The following FMR1NB variants were observed in gnomAD, a reference collection of about 807,000 sequenced individuals.
FMR1NB encodes FMR1 neighbor.
Under a neutral mutation model 16.8 loss-of-function variants are expected in FMR1NB, and 10 were observed. The observed-to-expected ratio is 0.60, with a 90% CI of 0.37 to 1.01. The LOEUF (loss-of-function observed/expected upper bound fraction) is 1.01, where lower values mean the gene tolerates loss of function less well. Ranked by LOEUF, FMR1NB falls within the 50% of genes least tolerant of loss-of-function variation. FMR1NB has a pLI of 0.01. For synonymous variants in FMR1NB, 83 were observed against 79.1 expected (o/e 1.05, Z -0.26); for missense variants, 205 against 204.8 (o/e 1.00, Z 0.00).
chrX:147,997,977 G>A (rs1387478636), intron 1 of FMR1NB, among the ~76,000 whole-genome samples: 1 of 112,661 alleles, frequency 8.9e-6, no homozygotes, highest in African/African-American at 3.2e-5. Flanking sequence ...AGGATGTGGA[G>A]AAACAGGAAC....
At chrX:148,008,788 A>T in intron 4 of FMR1NB, 77 bp downstream of exon 4, 2 of 883,999 alleles carry the variant, frequency 2.3e-6, no homozygotes, top group Admixed American at 5.0e-5. Context: ...TTATTAATAC[A>T]CTTCAGAAAT....
At chrX:148,019,168 T>C (rs1402877428) in intron 4 of FMR1NB, among the ~76,000 whole-genome samples, 2 of 112,264 alleles carry the variant, frequency 1.8e-5, no homozygotes, top group Non-Finnish European at 3.8e-5. Flanking sequence ...TTATTCTACT[T>C]GATCAATCTA....
At chrX:148,001,087 A>G (rs902458283) in intron 1 of FMR1NB, among the ~76,000 whole-genome samples, 2 of 112,171 alleles carry the variant, frequency 1.8e-5, no homozygotes, top group African/African-American at 6.5e-5. Context: ...ATGTGGTGAA[A>G]TGGATTATGT....
chrX:147,997,381 G>T (rs370914856), intron 1 of FMR1NB, among the ~76,000 whole-genome samples: 1 of 111,873 alleles, frequency 8.9e-6, no homozygotes, highest in Non-Finnish European at 1.9e-5. Flanking sequence ...TTAATAAAGG[G>T]TATTGGAAAA....
intron 1 of FMR1NB, among the ~76,000 whole-genome samples, chrX:147,983,053 G>T (rs1557186798): frequency 1.8e-5 from 2 of 111,996 alleles, no homozygotes; most frequent in African/African-American, 3.2e-5. Flanking sequence ...CCATACCCAT[G>T]AACCAGTTAC....
rs1931191784 is a variant in FMR1NB at position 147,981,778 on chromosome X, C to T, written c.277+99C>T. 6.8e-6 allele frequency: 6 copies of T among 884,021 alleles called. No individual in the cohort carries two copies. The Middle Eastern group carries it at 1.7e-3, about 257-fold the overall frequency. 72.9% of individuals were successfully genotyped at this position (884,021 alleles called of 1,213,427 possible). On this transcript the variant is annotated intron_variant, in intron 1 of 5. Coordinates refer to ENST00000370467, the MANE Select transcript of FMR1NB (RefSeq NM_152578.3). ...GCAACACACCGGCACCAACCATAGG[C>T]CTTCCTGCCCCTTCCTGTCCTCTCT...
intron 4 of FMR1NB, among the ~76,000 whole-genome samples, chrX:148,016,442 T>C (rs1251712188): frequency 9.0e-6 from 1 of 111,445 alleles, no homozygotes; most frequent in Non-Finnish European, 1.9e-5. Context: ...GTGTAGTCCT[T>C]TTATATTCAG....
At chrX:148,005,663 A>G (rs782183883) in intron 2 of FMR1NB, among the ~76,000 whole-genome samples, 81 of 111,867 alleles carry the variant, frequency 7.2e-4, no homozygotes, top group Non-Finnish European at 1.4e-3. Flanking sequence ...GTAAAACTCA[A>G]TTTGGGAGTT....
intron 4 of FMR1NB, among the ~76,000 whole-genome samples, chrX:148,017,695 C>T (rs782694044): frequency 7.9e-5 from 6 of 75,550 alleles, no homozygotes; most frequent in East Asian, 1.1e-3. Context: ...CCCCCTCCCC[C>T]GACCCCACCA....
intron 1 of FMR1NB, among the ~76,000 whole-genome samples, chrX:147,981,972 A>G (rs1466268902): frequency 9.0e-6 from 1 of 111,298 alleles, no homozygotes; most frequent in Non-Finnish European, 1.9e-5. Flanking sequence ...CACAAAATAG[A>G]CTAACCTCCC....
chrX:147,981,876 G>A (rs1428295570), intron 1 of FMR1NB, among the ~76,000 whole-genome samples, 197 bp downstream of exon 1: 1 of 111,625 alleles, frequency 9.0e-6, no homozygotes, highest in African/African-American at 3.3e-5. Context: ...CTGGCCGCAG[G>A]AAGTCTTTCC....
intron 1 of FMR1NB, among the ~76,000 whole-genome samples, chrX:147,982,234 G>T (rs2044451765): frequency 9.1e-6 from 1 of 109,655 alleles, no homozygotes. Context: ...AGGTTGCAGT[G>T]AGCTGGCATG....
intron 4 of FMR1NB, among the ~76,000 whole-genome samples, chrX:148,013,175 G>A (rs1434844027): frequency 4.5e-5 from 5 of 111,495 alleles, no homozygotes; most frequent in South Asian, 3.8e-4. Flanking sequence ...CTCATTATGC[G>A]GATCATATGT....
chrX:148,000,659 C>T (rs1260050334), intron 1 of FMR1NB, among the ~76,000 whole-genome samples: 6 of 111,418 alleles, frequency 5.4e-5, no homozygotes. Flanking sequence ...CAGTTCTATC[C>T]CTGATTCAAA....
At chrX:147,988,101 G>A (rs781976115) in intron 1 of FMR1NB, among the ~76,000 whole-genome samples, 1 of 111,915 alleles carries the variant, frequency 8.9e-6, no homozygotes, top group Non-Finnish European at 1.9e-5. Context: ...TTTCTTCATA[G>A]TGTCATTGGT....
At position 148,006,697 on chromosome X, in the gene FMR1NB, A is replaced by G. The variant is rs781830251; in HGVS notation, c.398-5A>G. ...TTCTCTTTCTTAAATTTCTGTTTTT[A>G]AAAGCTTGCAATCTGAGGGAAAATC... On this transcript the variant is annotated splice_region_variant and splice_polypyrimidine_tract_variant and intron_variant, in intron 2 of 5. Transcript: ENST00000370467. 9 of 1,191,329 alleles carry G rather than the reference A, an allele frequency of 7.6e-6. No individual in the cohort carries two copies. The African/African-American group carries it at 1.6e-4, about 21-fold the overall frequency.
chrX:148,017,167 T>C (rs1468819695), intron 4 of FMR1NB, among the ~76,000 whole-genome samples: 1 of 111,172 alleles, frequency 9.0e-6, no homozygotes, highest in African/African-American at 3.3e-5. Context: ...GTATTTTTCC[T>C]TCAGCACCTT....
intron 1 of FMR1NB, among the ~76,000 whole-genome samples, chrX:147,999,286 C>A (rs1557188460): frequency 8.9e-6 from 1 of 111,827 alleles, no homozygotes; most frequent in African/African-American, 3.3e-5. Context: ...ACACTTACTT[C>A]AGATGGTGTG....
At chrX:148,008,292 T>C (rs782214780) in intron 3 of FMR1NB, 2 of 198,697 alleles carry the variant, frequency 1.0e-5, no homozygotes, top group South Asian at 1.1e-4. Flanking sequence ...ATACAACATA[T>C]GGCCAAGAGA....
Sources: allele counts gnomAD v4.1 joint callset (sites outside exome capture counted in the v4.1 genomes callset), GRCh38; gene constraint gnomAD v4.1.1; transcripts MANE v1.5; gene names NCBI Gene and HGNC (gene_info 2026-07-23, HGNC 2026-07-21).